The following AKR1C8 variants were observed in gnomAD, a reference collection of about 807,000 sequenced individuals.
AKR1C8 encodes aldo-keto reductase family 1 member C8.
the AKR1C8 span, among the ~76,000 whole-genome samples, chr10:5,152,320 T>C: frequency 6.6e-6 from 1 of 152,210 alleles, no homozygotes; most frequent in African/African-American, 2.4e-5. Flanking sequence ...GCTTGAATCA[T>C]ACATAGAGCT....
At chr10:5,170,227 T>C in the AKR1C8 span, among the ~76,000 whole-genome samples, 14 of 152,076 alleles carry the variant, frequency 9.2e-5, no homozygotes, top group African/African-American at 3.1e-4. Flanking sequence ...TTTTAGAAAC[T>C]TGTAGCAAGA....
the AKR1C8 span, among the ~76,000 whole-genome samples, chr10:5,148,942 GAAAAAATAGA>G: frequency 6.6e-6 from 1 of 151,162 alleles, no homozygotes; most frequent in Non-Finnish European, 1.5e-5. Context: ...CAGAAAGAAA[GAAAAAATAGA>G]AAAAAAGATG....
chr10:5,163,455 C>G, the AKR1C8 span, among the ~76,000 whole-genome samples: 1 of 152,118 alleles, frequency 6.6e-6, no homozygotes, highest in Non-Finnish European at 1.5e-5. Context: ...CAAAGCAACC[C>G]CAAAGCTCAC....
the AKR1C8 span, among the ~76,000 whole-genome samples, chr10:5,121,516 T>G: frequency 6.6e-6 from 1 of 152,066 alleles, no homozygotes; most frequent in African/African-American, 2.4e-5. Context: ...GACATAAATT[T>G]GGGAGATATA....
At chr10:5,148,266 GA>G in the AKR1C8 span, among the ~76,000 whole-genome samples, 6,316 of 152,196 alleles carry the variant, frequency 0.041, 203 homozygotes, top group Non-Finnish European at 0.062. Context: ...GAGAAGCAGG[GA>G]AGGAGGAAAG....
At chr10:5,165,412 G>A in the AKR1C8 span, among the ~76,000 whole-genome samples, 1 of 152,058 alleles carries the variant, frequency 6.6e-6, no homozygotes, top group African/African-American at 2.4e-5. Context: ...TTTTCTCCAT[G>A]GGGAGCCTTG....
the AKR1C8 span, chr10:5,185,119 T>A: frequency 1.9e-6 from 1 of 534,664 alleles, no homozygotes; most frequent in Non-Finnish European, 3.8e-6. Flanking sequence ...AGCTAACCTG[T>A]CTTTCCTCCT....
the AKR1C8 span, among the ~76,000 whole-genome samples, chr10:5,149,605 A>C: frequency 3.3e-5 from 5 of 152,132 alleles, no homozygotes; most frequent in Non-Finnish European, 5.9e-5. Flanking sequence ...TTCACAGGTA[A>C]GAAACCCTGT....
chr10:5,138,090 C>A, the AKR1C8 span, among the ~76,000 whole-genome samples: 2 of 151,298 alleles, frequency 1.3e-5, no homozygotes, highest in African/African-American at 4.8e-5. Context: ...CACGTACTGT[C>A]TTGATAAACA....
At chr10:5,137,548 CCT>C in the AKR1C8 span, among the ~76,000 whole-genome samples, 1 of 151,808 alleles carries the variant, frequency 6.6e-6, no homozygotes, top group African/African-American at 2.4e-5. Flanking sequence ...AAAATTCAAC[CCT>C]GCTTCATGCT....
At chr10:5,169,873 C>T in the AKR1C8 span, among the ~76,000 whole-genome samples, 1 of 152,018 alleles carries the variant, frequency 6.6e-6, no homozygotes, top group Non-Finnish European at 1.5e-5. Context: ...GTAATTTTCA[C>T]TTAGTTACTT....
chr10:5,153,481 G>A, the AKR1C8 span, among the ~76,000 whole-genome samples: 1 of 152,130 alleles, frequency 6.6e-6, no homozygotes, highest in African/African-American at 2.4e-5. Flanking sequence ...CATTGGGTTA[G>A]TCCGTTGTCA....
chr10:5,145,413 T>C, the AKR1C8 span, among the ~76,000 whole-genome samples: 93 of 152,014 alleles, frequency 6.1e-4, no homozygotes, highest in African/African-American at 2.0e-3. Context: ...ACAGGCAACC[T>C]ACAAAATGGG....
At chr10:5,155,780 A>G in the AKR1C8 span, 1 of 465,846 alleles carries the variant, frequency 2.1e-6, no homozygotes, top group South Asian at 1.6e-5. Context: ...AAACACTCAC[A>G]TTAACCCCTC....
chr10:5,164,794 G>C, the AKR1C8 span, among the ~76,000 whole-genome samples: 375 of 152,246 alleles, frequency 2.5e-3, 4 homozygotes, highest in African/African-American at 8.5e-3. Flanking sequence ...ACTGGCCGAG[G>C]CTACATCTCA....
chr10:5,134,495 G>T, the AKR1C8 span, among the ~76,000 whole-genome samples: 1 of 152,110 alleles, frequency 6.6e-6, no homozygotes, highest in Non-Finnish European at 1.5e-5. Flanking sequence ...ATACCATTTT[G>T]ATACAAATCT....
At chr10:5,153,097 T>C in the AKR1C8 span, among the ~76,000 whole-genome samples, 1 of 152,338 alleles carries the variant, frequency 6.6e-6, no homozygotes, top group Middle Eastern at 3.4e-3. Context: ...CTTATATGTT[T>C]CTTGCATTCA....
the AKR1C8 span, among the ~76,000 whole-genome samples, chr10:5,145,594 A>G: frequency 2.0e-5 from 3 of 152,236 alleles, no homozygotes; most frequent in Non-Finnish European, 4.4e-5. Context: ...AACACATGAA[A>G]AAATGCTCAT....
chr10:5,133,977 A>T, the AKR1C8 span, among the ~76,000 whole-genome samples: 1 of 152,240 alleles, frequency 6.6e-6, no homozygotes, highest in Admixed American at 6.5e-5. Context: ...TTTAGGAAAG[A>T]TATAATTTCA....
Sources: allele counts gnomAD v4.1 joint callset (sites outside exome capture counted in the v4.1 genomes callset), GRCh38; gene constraint gnomAD v4.1.1; transcripts MANE v1.5; gene names NCBI Gene and HGNC (gene_info 2026-07-23, HGNC 2026-07-21).